The following TRPM3 variants were observed in gnomAD, a reference collection of about 807,000 sequenced individuals.
TRPM3 encodes transient receptor potential cation channel subfamily M member 3.
Under a neutral mutation model 181.2 loss-of-function variants are expected in TRPM3, and 77 were observed. The observed-to-expected ratio is 0.42, with a 90% CI of 0.35 to 0.51. TRPM3 has a LOEUF of 0.51. Among genes scored for constraint, TRPM3 ranks in the 20% least tolerant of loss-of-function variants. The pLI is 0.01. For synonymous variants in TRPM3, 745 were observed against 796.4 expected, an observed-to-expected ratio of 0.94 and a Z score of 1.09; for missense variants, 1,759 against 2,196.7, an observed-to-expected ratio of 0.80 and a Z score of 3.98.
chr9:71,275,903 G>A (rs571073566), intron 1 of TRPM3, among the ~76,000 whole-genome samples: 5 of 150,892 alleles, frequency 3.3e-5, no homozygotes, highest in South Asian at 2.1e-4. Flanking sequence ...GTGCTGTGGC[G>A]TGATCTTGGC....
At chr9:71,063,488 A>T (rs1190954386) in intron 1 of TRPM3, among the ~76,000 whole-genome samples, 1 of 152,132 alleles carries the variant, frequency 6.6e-6, no homozygotes, top group Admixed American at 6.6e-5. Flanking sequence ...AACAAATGTA[A>T]ATTAATGTTA....
intron 1 of TRPM3, among the ~76,000 whole-genome samples, chr9:71,439,235 C>G (rs1245372848): frequency 3.9e-5 from 6 of 152,150 alleles, no homozygotes. Flanking sequence ...TGGATATGAT[C>G]AACAACATTC....
At chr9:71,289,413 G>A (rs2085591361) in intron 1 of TRPM3, among the ~76,000 whole-genome samples, 1 of 152,250 alleles carries the variant, frequency 6.6e-6, no homozygotes, top group African/African-American at 2.4e-5. Flanking sequence ...AAGCACACCT[G>A]AGGAAAAGTT....
chr9:70,922,810 C>T (rs2096671359), intron 1 of TRPM3, among the ~76,000 whole-genome samples: 1 of 151,916 alleles, frequency 6.6e-6, no homozygotes, highest in African/African-American at 2.4e-5. Context: ...GTTTTCTTTC[C>T]ACATATTGAG....
intron 6 of TRPM3, chr9:70,793,668 C>T (rs1334824727): frequency 1.3e-5 from 6 of 470,422 alleles, no homozygotes; most frequent in East Asian, 1.4e-4. Flanking sequence ...TCCTGAAGGT[C>T]CACATGAGCT....
At chr9:71,130,961 A>T (rs896926135) in intron 1 of TRPM3, among the ~76,000 whole-genome samples, 2 of 152,238 alleles carry the variant, frequency 1.3e-5, no homozygotes, top group African/African-American at 4.8e-5. Context: ...GCTACAGATC[A>T]GATGAGAGCA....
At chr9:70,918,887 G>A (rs192941429) in intron 1 of TRPM3, among the ~76,000 whole-genome samples, 1 of 152,146 alleles carries the variant, frequency 6.6e-6, no homozygotes, top group East Asian at 1.9e-4. Flanking sequence ...GGGAAAGCCA[G>A]AGTCAGAAAG....
chr9:70,781,324 CATAA>C (rs1184953398), intron 7 of TRPM3, among the ~76,000 whole-genome samples: 1 of 42,624 alleles, frequency 2.3e-5, no homozygotes, highest in Non-Finnish European at 3.9e-5. Flanking sequence ...GATTCCATTT[CATAA>C]AAAAAAAAAA....
At chr9:70,987,239 T>C (rs1409533102) in intron 1 of TRPM3, among the ~76,000 whole-genome samples, 1 of 152,270 alleles carries the variant, frequency 6.6e-6, no homozygotes, top group East Asian at 1.9e-4. Flanking sequence ...CTGTTGGGCA[T>C]TTTAAAAATA....
At chr9:71,006,787 C>G (rs1590552731) in intron 1 of TRPM3, among the ~76,000 whole-genome samples, 2 of 148,796 alleles carry the variant, frequency 1.3e-5, no homozygotes. Flanking sequence ...AGGAGAATGG[C>G]GTGAACCCGG....
intron 6 of TRPM3, among the ~76,000 whole-genome samples, chr9:70,800,363 A>T (rs989249744): frequency 2.0e-5 from 3 of 152,188 alleles, no homozygotes; most frequent in Non-Finnish European, 4.4e-5. Flanking sequence ...TCTCTCCCTA[A>T]GGGGAAGTAG....
chr9:70,654,738 A>G (rs2060052771), intron 9 of TRPM3, among the ~76,000 whole-genome samples: 2 of 148,062 alleles, frequency 1.4e-5, no homozygotes, highest in South Asian at 4.3e-4. Flanking sequence ...GCTGGAGTGC[A>G]GTGGCGCGAT....
intron 8 of TRPM3, among the ~76,000 whole-genome samples, chr9:70,740,814 C>G (rs1323424887): frequency 6.6e-6 from 1 of 152,164 alleles, no homozygotes; most frequent in African/African-American, 2.4e-5. Context: ...AAAATCAACT[C>G]AAGATGAATC....
chr9:71,292,343 A>G (rs1247885083), intron 1 of TRPM3, among the ~76,000 whole-genome samples: 1 of 152,060 alleles, frequency 6.6e-6, no homozygotes, highest in Admixed American at 6.6e-5. Flanking sequence ...AAAAAAGAAT[A>G]GAAAACAGAA....
intron 1 of TRPM3, among the ~76,000 whole-genome samples, chr9:71,135,340 A>T (rs1350253416): frequency 6.6e-6 from 1 of 152,200 alleles, no homozygotes; most frequent in Non-Finnish European, 1.5e-5. Flanking sequence ...ATTCAATTAC[A>T]TATAACAGAA....
chr9:70,820,812 C>T (rs57059988), intron 6 of TRPM3, among the ~76,000 whole-genome samples: 24,783 of 151,964 alleles, frequency 0.16, 2,891 homozygotes, highest in African/African-American at 0.32. Context: ...AATACGGTAA[C>T]TTGCCCAAGG....
At chr9:71,430,399 A>T (rs2093936855) in intron 1 of TRPM3, among the ~76,000 whole-genome samples, 1 of 152,202 alleles carries the variant, frequency 6.6e-6, no homozygotes, top group African/African-American at 2.4e-5. Flanking sequence ...AAATTCTTCA[A>T]TTCTATGGTC....
chr9:71,185,608 A>G (rs2077629577), intron 1 of TRPM3, among the ~76,000 whole-genome samples: 1 of 150,080 alleles, frequency 6.7e-6, no homozygotes, highest in Admixed American at 6.8e-5. Context: ...AAGCAAGGTA[A>G]TGTGACAGAA....
intron 18 of TRPM3, among the ~76,000 whole-genome samples, chr9:70,614,451 A>G (rs2062464599): frequency 6.6e-6 from 1 of 152,048 alleles, no homozygotes; most frequent in Non-Finnish European, 1.5e-5. Flanking sequence ...AGCTATAATC[A>G]CACCATTTTA....
Sources: allele counts gnomAD v4.1 joint callset (sites outside exome capture counted in the v4.1 genomes callset), GRCh38; gene constraint gnomAD v4.1.1; transcripts MANE v1.5; gene names NCBI Gene and HGNC (gene_info 2026-07-23, HGNC 2026-07-21).